The following KANK1 variants were observed in gnomAD, a reference collection of about 807,000 sequenced individuals.
KANK1 encodes the protein KN motif and ankyrin repeat domains 1.
In KANK1, 109 loss-of-function variants were observed where a neutral mutation model predicts 106.2. The ratio of observed to expected loss-of-function variants is 1.03; its 90% CI spans 0.88 to 1.20. The LOEUF (loss-of-function observed/expected upper bound fraction) is 1.20, where lower values mean the gene tolerates loss of function less well. Ranked by LOEUF, KANK1 falls within the 50% of genes most tolerant of loss-of-function variation. The pLI, the probability that KANK1 is intolerant of heterozygous loss-of-function variation, is 0.00. For missense variants in KANK1, 2,399 were observed against 1,710.7 expected (o/e 1.40, Z -7.10); for synonymous variants, 873 against 652.2 (o/e 1.34, Z -5.16).
intron 1 of KANK1, among the ~76,000 whole-genome samples, chr9:512,841 C>G (rs965390140): frequency 2.0e-5 from 3 of 152,198 alleles, no homozygotes; most frequent in African/African-American, 7.2e-5. Flanking sequence ...TTCCCTCACA[C>G]CTCTCTTTCC....
intron 1 of KANK1, among the ~76,000 whole-genome samples, chr9:643,056 A>G (rs1838836856): frequency 2.7e-5 from 4 of 150,876 alleles, no homozygotes; most frequent in Admixed American, 2.6e-4. Context: ...ATATAAAAAT[A>G]GCACAGGATA....
rs72707747 is a variant in KANK1 at position 535,450 on chromosome 9, C to G, written c.-84+30696C>G. ...ATAGCTCACATTTTTGGTGCCTACT[C>G]TGTACTGGGCACTGTACTGTGAGTT... On this transcript the variant is annotated intron_variant, in intron 1 of 11. Coordinates refer to ENST00000382297, the MANE Select transcript of KANK1 (RefSeq NM_015158.5). Among the ~76,000 whole-genome samples the G allele has an allele frequency of 4.8e-3, 730 of 152,346 alleles. 9 individuals are homozygous for G. Among genetic ancestry groups the G allele is most frequent in the African/African-American group, 0.017 (688 of 41,580 alleles).
At chr9:593,407 C>G (rs1378828014) in intron 1 of KANK1, among the ~76,000 whole-genome samples, 1 of 151,484 alleles carries the variant, frequency 6.6e-6, no homozygotes, top group Non-Finnish European at 1.5e-5. Flanking sequence ...TATATACTTT[C>G]AGACATTTTT....
At chr9:641,082 G>T (rs1838327705) in intron 1 of KANK1, among the ~76,000 whole-genome samples, 2 of 152,146 alleles carry the variant, frequency 1.3e-5, no homozygotes, top group South Asian at 2.1e-4. Context: ...GCTGCCAAGA[G>T]CCATGTTGAT....
At chr9:576,742 A>G (rs2135105899) in intron 1 of KANK1, among the ~76,000 whole-genome samples, 1 of 151,536 alleles carries the variant, frequency 6.6e-6, no homozygotes, top group East Asian at 1.9e-4. Context: ...TTTGTGGGAG[A>G]GGAAGAGGAG....
chr9:591,344 C>G (rs988434110), intron 1 of KANK1, among the ~76,000 whole-genome samples: 1 of 151,704 alleles, frequency 6.6e-6, no homozygotes, highest in African/African-American at 2.4e-5. Flanking sequence ...GTATTTGTTG[C>G]CCATTGTCAG....
At chr9:544,549 C>T (rs1468785394) in intron 1 of KANK1, among the ~76,000 whole-genome samples, 1 of 152,188 alleles carries the variant, frequency 6.6e-6, no homozygotes, top group Non-Finnish European at 1.5e-5. Flanking sequence ...GAGGCCAAAG[C>T]TGATGGATGA....
rs7847380 is a variant in KANK1 at position 495,805 on chromosome 9, C to T, written c.-362+22532C>T. On this transcript the variant is annotated intron_variant, in intron 3 of 15. Coordinates refer to the KANK1 transcript ENST00000382303. ...CATTAAAGTTTGTCTGATGAAAAGG[C>T]TCTGAGGCTCAAATGACAGCTCAGT... 7.2e-3 allele frequency among the ~76,000 whole-genome samples: 1,104 copies of T among 152,280 alleles called. 17 individuals are homozygous for T. Among genetic ancestry groups the T allele is most frequent in the African/African-American group, 0.024 (992 of 41,542 alleles).
At chr9:511,483 C>A (rs1358706672) in intron 1 of KANK1, among the ~76,000 whole-genome samples, 1 of 152,100 alleles carries the variant, frequency 6.6e-6, no homozygotes, top group Non-Finnish European at 1.5e-5. Flanking sequence ...TGTCAATTTC[C>A]CATCTATAAA....
intron 6 of KANK1, chr9:733,157 T>G: frequency 6.6e-6 from 1 of 152,410 alleles, no homozygotes; most frequent in African/African-American, 2.4e-5. Context: ...AAATAGTAGC[T>G]GAAAAACACT....
intron 2 of KANK1, among the ~76,000 whole-genome samples, chr9:697,560 A>T (rs1050364949): frequency 7.2e-5 from 11 of 152,066 alleles, no homozygotes; most frequent in African/African-American, 2.7e-4. Flanking sequence ...GGAAATCTCT[A>T]CCCACTAGCC....
chr9:617,320 C>G (rs148411326), intron 1 of KANK1, among the ~76,000 whole-genome samples: 160 of 152,148 alleles, frequency 1.1e-3, no homozygotes, highest in Admixed American at 3.4e-3. Context: ...TGTCTTTTGT[C>G]TTCAAAGGAT....
intron 11 of KANK1, chr9:744,878 T>G: frequency 1.4e-6 from 2 of 1,411,234 alleles, no homozygotes; most frequent in East Asian, 2.6e-5. Flanking sequence ...CCTGAGCCCA[T>G]GGGGATATTT....
In KANK1 at chr9:735,749, T is replaced by A. The variant is rs138465954; in HGVS notation, c.3333+914T>A. 9.3e-4 allele frequency: 409 copies of A among 439,068 alleles called. No homozygotes were observed. Among genetic ancestry groups the A allele is most frequent in the Admixed American group, 2.8e-3 (120 of 42,278 alleles). 27.2% of individuals were successfully genotyped at this position (439,068 alleles called of 1,614,324 possible). A position where few individuals can be genotyped will look rare whatever the true frequency, so the allele number is the denominator to read the frequency against. ...TGGCTGACACCTATGATCCCAACACTTCGGGAGGCCGATGCAGGTGGATCA... is the reference window on the plus strand; with the variant it reads ...TGGCTGACACCTATGATCCCAACACATCGGGAGGCCGATGCAGGTGGATCA... On this transcript the variant is annotated intron_variant, in intron 7 of 11. Coordinates refer to ENST00000382297, the MANE Select transcript of KANK1 (RefSeq NM_015158.5).
intron 1 of KANK1, among the ~76,000 whole-genome samples, chr9:544,554 G>A (rs959867358): frequency 6.6e-6 from 1 of 152,188 alleles, no homozygotes; most frequent in African/African-American, 2.4e-5. Flanking sequence ...CAAAGCTGAT[G>A]GATGATGCAA....
Position 745,496 on chromosome 9 carries a change from A to G in KANK1, c.*261A>G, listed in dbSNP as rs931615402. ...GTTGAGTCTCTGCTCCGTTTTGTACAGTCACAGGGAATTCTGATCTGAAGG... is the reference window on the plus strand; with the variant it reads ...GTTGAGTCTCTGCTCCGTTTTGTACGGTCACAGGGAATTCTGATCTGAAGG... On this transcript the variant is annotated 3_prime_UTR_variant, in exon 12 of 12. Transcript: ENST00000382297. 9 of 339,988 alleles carry G rather than the reference A, an allele frequency of 2.6e-5. No individual in the cohort carries two copies. Among genetic ancestry groups the G allele is most frequent in the Non-Finnish European group, 4.3e-5 (8 of 186,290 alleles). The allele number at this position is 339,988 out of a possible 1,614,324, so 21.1% of individuals were successfully genotyped here. A position where few individuals can be genotyped will look rare whatever the true frequency, so the allele number is the denominator to read the frequency against.
At position 505,371 on chromosome 9, in the gene KANK1, C is replaced by T. The variant is rs535183633; in HGVS notation, c.-84+617C>T. Among the ~76,000 whole-genome samples the T allele has an allele frequency of 2.7e-3, 405 of 152,152 alleles. 3 individuals are homozygous for T. Among genetic ancestry groups the T allele is most frequent in the African/African-American group, 9.5e-3 (395 of 41,580 alleles). ...GGGAGGCGGGGGAGGGGCGTGGGCG[C>T]TGCGGCCTCTGGGGCGGCCCAACCC... On this transcript the variant is annotated intron_variant, in intron 1 of 11. Transcript: ENST00000382297.
intron 2 of KANK1, among the ~76,000 whole-genome samples, chr9:681,328 C>G (rs1234004057): frequency 6.6e-6 from 1 of 152,128 alleles, no homozygotes; most frequent in African/African-American, 2.4e-5. Context: ...TCTCTCATAG[C>G]CAGCTAGGAA....
chr9:597,210 C>T (rs983813896), intron 1 of KANK1, among the ~76,000 whole-genome samples: 2 of 151,688 alleles, frequency 1.3e-5, no homozygotes, highest in African/African-American at 2.4e-5. Flanking sequence ...ACTTGAGTCC[C>T]TGTTTTCAGT....
Sources: allele counts gnomAD v4.1 joint callset (sites outside exome capture counted in the v4.1 genomes callset), GRCh38; gene constraint gnomAD v4.1.1; transcripts MANE v1.5; gene names NCBI Gene and HGNC (gene_info 2026-07-23, HGNC 2026-07-21).